The following ABCC10 variants were observed in gnomAD, a reference collection of about 807,000 sequenced individuals.
The protein encoded by ABCC10 is ATP binding cassette subfamily C member 10.
Under a neutral mutation model 143.2 loss-of-function variants are expected in ABCC10, and 110 were observed. That is an observed-to-expected ratio of 0.77 (90% CI 0.66 to 0.90). ABCC10 has a LOEUF of 0.90. Ranked by LOEUF, ABCC10 falls within the 40% of genes least tolerant of loss-of-function variation. ABCC10 has a pLI of 0.00. For synonymous variants in ABCC10, 805 were observed against 846.7 expected (o/e 0.95, Z 0.85); for missense variants, 1,700 against 1,900.5 (o/e 0.89, Z 1.96).
intron 14 of ABCC10, 142 bp downstream of exon 14, chr6:43,445,456 T>C: frequency 3.0e-6 from 4 of 1,351,908 alleles, no homozygotes; most frequent in East Asian, 4.8e-5. Context: ...ATCTCTCTTC[T>C]CTGCCCCCAA....
In ABCC10 at chr6:43,437,390, T is replaced by A. The variant is rs201323067; in HGVS notation, c.1876-544T>A. 8.7e-3 allele frequency among the ~76,000 whole-genome samples: 1,300 copies of A among 148,708 alleles called. 20 individuals carry two copies. The highest frequency in any genetic ancestry group is 0.031 in the East Asian group (156 of 5,110). ...AGAAGGAACTAGGACTTTTTTTTTTTTATATTTTTTTGAGCAGGGAGATAG... is the reference window on the plus strand; with the variant it reads ...AGAAGGAACTAGGACTTTTTTTTTTATATATTTTTTTGAGCAGGGAGATAG... On this transcript the variant is annotated intron_variant, in intron 6 of 21. Transcript: ENST00000372530.
At chr6:43,448,076 C>G (rs1458450789) in intron 18 of ABCC10, 139 bp downstream of exon 18, 2 of 1,341,488 alleles carry the variant, frequency 1.5e-6, no homozygotes, top group Non-Finnish European at 2.1e-6. Flanking sequence ...ACAGGATGAG[C>G]AGGCAAGGAC....
intron 2 of ABCC10, among the ~76,000 whole-genome samples, chr6:43,429,681 G>A (rs1780926089): frequency 6.6e-6 from 1 of 152,160 alleles, no homozygotes; most frequent in Admixed American, 6.5e-5. Flanking sequence ...AGGAGTTCGA[G>A]ACCAGCCTGC....
rs1171412167 is a variant in ABCC10, at chr6:43,444,955, G to T, written c.2840+17G>T. On this transcript the variant is annotated intron_variant, in intron 13 of 21. Coordinates refer to ENST00000372530, the MANE Select transcript of ABCC10 (RefSeq NM_001198934.2). ...AAACCTCTAGTGAGTGGCTGGGGCT[G>T]GGGGTAGGCCTGGTGCTCTCAGAGT... 40 of 1,604,034 alleles carry T rather than the reference G, an allele frequency of 2.5e-5. No homozygotes were observed. Among genetic ancestry groups the T allele is most frequent in the Non-Finnish European group, 3.4e-5 (40 of 1,174,898 alleles).
At chr6:43,441,293 T>C (rs941774999) in intron 8 of ABCC10, among the ~76,000 whole-genome samples, 1 of 151,446 alleles carries the variant, frequency 6.6e-6, no homozygotes, top group Non-Finnish European at 1.5e-5. Flanking sequence ...CTGGCTAACA[T>C]GGTGAAACCC....
rs557845192 is a variant in ABCC10, at chr6:43,448,764, A to G, written c.3960-117A>G. On this transcript the variant is annotated intron_variant, in intron 18 of 21. Coordinates refer to ENST00000372530, the MANE Select transcript of ABCC10 (RefSeq NM_001198934.2). ...ATGGGGTGGGGAGCAGAGTGGGGTT[A>G]TGTTCAGGTCTCATACCCAGGCTTT... 18 of 1,287,814 alleles carry G rather than the reference A, an allele frequency of 1.4e-5. No individual in the cohort carries two copies. The African/African-American group carries it at 2.4e-4, about 17-fold the overall frequency. 79.8% of individuals were successfully genotyped at this position (1,287,814 alleles called of 1,614,324 possible).
chr6:43,447,829 C>T lies in ABCC10; in HGVS notation c.3851C>T (p.Ser1284Phe), dbSNP rs755035958. The T allele has an allele frequency of 1.2e-6, 2 of 1,613,742 alleles. No individual in the cohort carries two copies. Among genetic ancestry groups the T allele is most frequent in the Admixed American group, 1.7e-5 (1 of 60,028 alleles). Residue 1284 changes from serine (S) to phenylalanine (F), a missense_variant, in exon 18 of 22, where the codon TCC becomes TTC. Coordinates refer to ENST00000372530, the MANE Select transcript of ABCC10 (RefSeq NM_001198934.2). ...TTGGGCATCGTGGGCCGCACAGGCTCCGGCAAGTCTTCCCTGTTGTTGGTG... is the reference window on the plus strand; with the variant it reads ...TTGGGCATCGTGGGCCGCACAGGCTTCGGCAAGTCTTCCCTGTTGTTGGTG... ...EKLGIVGRTG[S>F]GKSSLLLVLF...
Position 43,438,709 on chromosome 6 carries a change from C to T in ABCC10, c.2041C>T (p.Arg681Ter), listed in dbSNP as rs773077517. 1.3e-5 allele frequency: 21 copies of T among 1,614,124 alleles called. No individual in the cohort carries two copies. The highest frequency in any genetic ancestry group is 4.5e-5 in the East Asian group (2 of 44,904). The change falls in exon 8 of 22, where the codon CGA (arginine) becomes TGA (stop). Residue 681 changes from arginine to a stop codon, truncating the protein, a stop_gained. Coordinates refer to ENST00000372530, the MANE Select transcript of ABCC10 (RefSeq NM_001198934.2). LOFTEE classifies it high-confidence loss of function. ...ACCCTGGATCCAGTTTGCCACCATCCGAGACAACATCCTCTTTGGGAAGAC... is the reference window on the plus strand; with the variant it reads ...ACCCTGGATCCAGTTTGCCACCATCTGAGACAACATCCTCTTTGGGAAGAC... ...QEPWIQFATI[R>*]DNILFGKTFD...
At chr6:43,438,947 G>A in intron 8 of ABCC10, 152 bp downstream of exon 8, 2 of 954,316 alleles carry the variant, frequency 2.1e-6, no homozygotes, top group Non-Finnish European at 3.1e-6. Flanking sequence ...CTCCCAGAGT[G>A]TCCAGCTGCC....
At chr6:43,429,730 A>C (rs144674539) in intron 2 of ABCC10, among the ~76,000 whole-genome samples, 8 of 152,246 alleles carry the variant, frequency 5.3e-5, no homozygotes, top group Admixed American at 4.6e-4. Flanking sequence ...AAATACAAAA[A>C]ATTGGCCGGG....
intron 8 of ABCC10, among the ~76,000 whole-genome samples, chr6:43,439,866 G>A (rs938586456): frequency 3.3e-5 from 5 of 152,124 alleles, no homozygotes; most frequent in Non-Finnish European, 7.4e-5. Context: ...ACAGGCGTGA[G>A]CCACCGCGCC....
At chr6:43,431,800 T>C in intron 2 of ABCC10, 1 of 1,134,992 alleles carries the variant, frequency 8.8e-7, no homozygotes, top group Non-Finnish European at 1.1e-6. Context: ...CAGGATTTTT[T>C]TTTTCCTAGT....
chr6:43,433,440 C>T, intron 3 of ABCC10, 80 bp downstream of exon 3: 1 of 1,474,030 alleles, frequency 6.8e-7, no homozygotes, highest in Non-Finnish European at 9.0e-7. Context: ...TGCACACTAC[C>T]TGAGGGAGTG....
At chr6:43,448,759 G>T in intron 18 of ABCC10, 122 bp from the exon 19 acceptor site, 1 of 1,226,090 alleles carries the variant, frequency 8.2e-7, no homozygotes, top group African/African-American at 1.5e-5. Context: ...GAGCAGAGTG[G>T]GGTTATGTTC....
chr6:43,432,186 G>A lies in ABCC10; in HGVS notation c.206G>A (p.Arg69Gln), dbSNP rs750724181. ...ILPCSPGWRL[R>Q]LAASFLLSVF... Reference sequence around the variant, plus strand: ...CCCTGCAGTCCTGGATGGCGCCTCCGACTTGCAGCTTCCTTCCTGCTTTCC... The same window carrying A: ...CCCTGCAGTCCTGGATGGCGCCTCCAACTTGCAGCTTCCTTCCTGCTTTCC... The change falls in exon 3 of 22, where the codon CGA becomes CAA. Residue 69 changes from arginine to glutamine, a missense_variant. Transcript: ENST00000372530. The A allele has an allele frequency of 1.4e-5, 23 of 1,614,086 alleles. No individual in the cohort carries two copies. The highest frequency in any genetic ancestry group is 6.6e-5 in the South Asian group (6 of 91,088).
At position 43,445,332 on chromosome 6, in the gene ABCC10, C is replaced by T. The variant is rs1562197341; in HGVS notation, c.3030+18C>T. ...TCCTTATGGTGAGGGGCTGGGACCTCGGGGGTAGGGGAGTGCAGTCCTAGC... is the reference window on the plus strand; with the variant it reads ...TCCTTATGGTGAGGGGCTGGGACCTTGGGGGTAGGGGAGTGCAGTCCTAGC... On this transcript the variant is annotated intron_variant, in intron 14 of 21. Transcript: ENST00000372530. The T allele has an allele frequency of 1.2e-5, 20 of 1,607,350 alleles. No individual in the cohort carries two copies. The highest frequency in any genetic ancestry group is 7.8e-5 in the South Asian group (7 of 90,174).
intron 15 of ABCC10, 73 bp from the exon 16 acceptor site, chr6:43,446,204 C>T (rs1783051525): frequency 6.5e-7 from 1 of 1,533,196 alleles, no homozygotes; most frequent in East Asian, 2.3e-5. Flanking sequence ...AAGGGCCTTC[C>T]CTGTTGAGGC....
At chr6:43,439,170 C>G (rs887229323) in intron 8 of ABCC10, among the ~76,000 whole-genome samples, 1 of 152,034 alleles carries the variant, frequency 6.6e-6, no homozygotes. Context: ...GGAAACCTGC[C>G]AAGCTATTAG....
At position 43,435,774 on chromosome 6, in the gene ABCC10, G is replaced by T. The variant is rs751089828; in HGVS notation, c.1632G>T (p.Val544=). Residue 544 remains valine (V), a synonymous_variant, in exon 5 of 22, where the codon GTG becomes GTT. Transcript: ENST00000372530. ...AGGTGTTCACGGCCCTGGCACTGGT[G>T]CGAATGCTCATTCTTCCTCTCAACA... is the stretch of plus-strand genomic sequence containing the variant. ...ATKVFTALAL[V]RMLILPLNNF... is the part of the protein sequence containing the mutation. The T allele has an allele frequency of 6.2e-7, 1 of 1,613,982 alleles. No individual in the cohort carries two copies. The highest frequency in any genetic ancestry group is 1.3e-5 in the African/African-American group (1 of 74,912).
Sources: allele counts gnomAD v4.1 joint callset (sites outside exome capture counted in the v4.1 genomes callset), GRCh38; gene constraint gnomAD v4.1.1; transcripts MANE v1.5; gene names NCBI Gene and HGNC (gene_info 2026-07-23, HGNC 2026-07-21).